Variants in MECOM observed in about 807,000 individuals in gnomAD.
The protein encoded by MECOM is MDS1 and EVI1 complex locus.
Under a neutral mutation model 116.3 loss-of-function variants are expected in MECOM, and 13 were observed. That is an observed-to-expected ratio of 0.11 (90% CI 0.07 to 0.18). MECOM has a LOEUF of 0.18. Among genes scored for constraint, MECOM ranks in the 10% least tolerant of loss-of-function variants. The probability of loss-of-function intolerance (pLI) is 1.00; values close to 1 mark genes in which losing one functional copy is unlikely to be tolerated. For synonymous variants in MECOM, 528 were observed against 535.2 expected (o/e 0.99, Z 0.19); for missense variants, 1,299 against 1,509.0 (o/e 0.86, Z 2.31).
chr3:169,128,038 T>C lies in MECOM; in HGVS notation c.636A>G (p.Glu212=). Residue 212 remains glutamate (E), a synonymous_variant, in exon 5 of 17, where the codon GAA becomes GAG. Transcript: ENST00000651503. ...TAGATTCAAAGAGCTGGTCACAGTCTTCGCAGCGATATTGCCGTTCTTCTG... is the reference window on the plus strand; with the variant it reads ...TAGATTCAAAGAGCTGGTCACAGTCCTCGCAGCGATATTGCCGTTCTTCTG... ...DIHEERQYRC[E]DCDQLFESKA... is the part of the protein sequence containing the mutation. 4 of 1,614,056 alleles carry C rather than the reference T, an allele frequency of 2.5e-6. No individual in the cohort carries two copies. The highest frequency in any genetic ancestry group is 3.4e-6 in the Non-Finnish European group (4 of 1,179,918).
intron 2 of MECOM, among the ~76,000 whole-genome samples, chr3:169,359,491 C>T (rs1049415524): frequency 4.0e-5 from 6 of 151,592 alleles, no homozygotes; most frequent in African/African-American, 9.7e-5. Context: ...TGGTAATGTG[C>T]CTGAAAAATC....
chr3:169,633,919 CAAA>C, intron 1 of MECOM, among the ~76,000 whole-genome samples: 1 of 108,850 alleles, frequency 9.2e-6, no homozygotes, highest in Non-Finnish European at 2.0e-5. Context: ...AAAAAAAAAA[CAAA>C]AAACAAACAG....
chr3:169,403,751 T>C (rs1736244261), intron 1 of MECOM, among the ~76,000 whole-genome samples: 1 of 152,226 alleles, frequency 6.6e-6, no homozygotes, highest in Non-Finnish European at 1.5e-5. Context: ...GGGCTCTATA[T>C]TAATAAGCCC....
chr3:169,217,063 T>C (rs927284745), intron 2 of MECOM, among the ~76,000 whole-genome samples: 25 of 152,318 alleles, frequency 1.6e-4, no homozygotes, highest in Middle Eastern at 3.4e-3. Flanking sequence ...TTTGACTTCC[T>C]TGCACAAGTA....
rs919261664 is a variant in MECOM at position 169,116,237 on chromosome 3, T to C, written c.1635A>G (p.Leu545=). Residue 545 remains leucine (L), a synonymous_variant, in exon 8 of 17, where the codon CTA becomes CTG. Transcript: ENST00000651503. ...TGTCCCCTACAGATGGGTGTTTAGA[T>C]AGTGCCTTCAAAATATCCTGTGTAG... ...LPATQDILKA[L]SKHPSVGDNK... is the part of the protein sequence containing the mutation. 7 of 1,614,052 alleles carry C rather than the reference T, an allele frequency of 4.3e-6. No individual in the cohort carries two copies. In the African/African-American group the frequency reaches 6.7e-5, roughly 15 times the overall value.
chr3:169,116,830 A>G (rs372194441), intron 7 of MECOM, 91 bp from the exon 8 acceptor site: 111 of 1,469,292 alleles, frequency 7.6e-5, no homozygotes, highest in East Asian at 5.8e-4. Context: ...CAAAATTTCA[A>G]TTAGGAAGCC....
intron 2 of MECOM, among the ~76,000 whole-genome samples, chr3:169,322,815 T>C (rs1025489161): frequency 6.6e-6 from 1 of 151,596 alleles, no homozygotes; most frequent in Non-Finnish European, 1.5e-5. Context: ...CTGGCCAACA[T>C]GGCAAAACCC....
At chr3:169,398,671 T>G (rs1390062670) in intron 1 of MECOM, among the ~76,000 whole-genome samples, 2 of 152,192 alleles carry the variant, frequency 1.3e-5, no homozygotes, top group Non-Finnish European at 2.9e-5. Flanking sequence ...CTCCATTCTC[T>G]GCTCCTGGTG....
intron 5 of MECOM, among the ~76,000 whole-genome samples, chr3:169,124,358 GAGAC>G (rs1424874243): frequency 6.6e-6 from 1 of 151,998 alleles, no homozygotes; most frequent in Non-Finnish European, 1.5e-5. Flanking sequence ...GGTGGAGAGA[GAGAC>G]AGACAGAGAC....
intron 16 of MECOM, chr3:169,086,602 C>T: frequency 1.4e-6 from 1 of 699,100 alleles, no homozygotes; most frequent in Non-Finnish European, 2.6e-6. Context: ...GTATTGGCCT[C>T]CAAGAGTTGT....
intron 1 of MECOM, among the ~76,000 whole-genome samples, chr3:169,477,835 T>A (rs935995870): frequency 2.6e-5 from 4 of 152,232 alleles, no homozygotes; most frequent in Middle Eastern, 3.2e-3. Context: ...TAAGACATAT[T>A]ATCTTCAGAA....
intron 2 of MECOM, among the ~76,000 whole-genome samples, chr3:169,347,906 T>A (rs1725643304): frequency 6.6e-6 from 1 of 151,954 alleles, no homozygotes; most frequent in Non-Finnish European, 1.5e-5. Context: ...ATAGCCTACT[T>A]GAGCAGTCTG....
rs1257268198 is a variant in MECOM at position 169,145,949 on chromosome 3, G to A, written c.376-2117C>T. The A allele has an allele frequency of 1.8e-5, 4 of 217,924 alleles. No individual in the cohort carries two copies. In the East Asian group the frequency reaches 2.7e-4, roughly 15 times the overall value. The allele number at this position is 217,924 out of a possible 1,614,324, so 13.5% of individuals were successfully genotyped here. On this transcript the variant is annotated intron_variant, in intron 2 of 16. Transcript: ENST00000651503. ...TCAATATTCTTGCCCCAAGACAAAA[G>A]CTTAGCTTTCTCCAGAAACGTTTGC...
At chr3:169,106,043 C>A (rs1725295753) in intron 10 of MECOM, among the ~76,000 whole-genome samples, 1 of 152,110 alleles carries the variant, frequency 6.6e-6, no homozygotes. Flanking sequence ...ATATGTCCAA[C>A]AACACCATGA....
chr3:169,376,181 A>G (rs955359105), intron 2 of MECOM, among the ~76,000 whole-genome samples: 1 of 152,176 alleles, frequency 6.6e-6, no homozygotes, highest in Admixed American at 6.6e-5. Context: ...ACGTATCTCA[A>G]AATAATAAGA....
intron 1 of MECOM, among the ~76,000 whole-genome samples, chr3:169,499,754 C>G (rs1024704900): frequency 1.3e-5 from 2 of 152,060 alleles, no homozygotes; most frequent in African/African-American, 4.8e-5. Flanking sequence ...ATGGCAAGAT[C>G]ATGCAAGAGA....
rs1463789649 is a variant in MECOM, at chr3:169,493,372, C to T, written c.38-111848G>A. On this transcript the variant is annotated intron_variant, in intron 1 of 16. Transcript: ENST00000651503. ...AATGAAGCTTTAATCTCTTGCAAAA[C>T]CTGTATGGTTCTTCTCCCTTCTCAG... 3.9e-5 allele frequency among the ~76,000 whole-genome samples: 6 copies of T among 152,210 alleles called. No individual in the cohort carries two copies. The East Asian group carries it at 1.2e-3, about 29-fold the overall frequency.
intron 2 of MECOM, among the ~76,000 whole-genome samples, chr3:169,277,436 A>C (rs1190999094): frequency 6.6e-6 from 1 of 152,206 alleles, no homozygotes; most frequent in Non-Finnish European, 1.5e-5. Flanking sequence ...AGTTTTTTTC[A>C]GATAAATCTT....
Position 169,105,395 on chromosome 3 carries a change from G to A in MECOM, c.2604+2531C>T, listed in dbSNP as rs537639812. Among the ~76,000 whole-genome samples the A allele has an allele frequency of 8.5e-5, 13 of 152,254 alleles. No homozygotes were observed. The South Asian group carries it at 2.7e-3, about 32-fold the overall frequency. ...AACTCTCTCTTGCTATCTGGTCTGA[G>A]TCACGTGATGTTCCTCCAAAAGTAA... On this transcript the variant is annotated intron_variant, in intron 10 of 16. Transcript: ENST00000651503.
Sources: allele counts gnomAD v4.1 joint callset (sites outside exome capture counted in the v4.1 genomes callset), GRCh38; gene constraint gnomAD v4.1.1; transcripts MANE v1.5; gene names NCBI Gene and HGNC (gene_info 2026-07-23, HGNC 2026-07-21).